The following PCDHA10 variants were observed in gnomAD, a reference collection of about 807,000 sequenced individuals.
PCDHA10 encodes the protein protocadherin alpha 10.
Under a neutral mutation model 61.2 loss-of-function variants are expected in PCDHA10, and 45 were observed. That is an observed-to-expected ratio of 0.74 (90% CI 0.58 to 0.94). PCDHA10 has a LOEUF of 0.94. PCDHA10 is among the 40% of genes least tolerant of loss of function. PCDHA10 has a pLI of 0.00. For missense variants in PCDHA10, 1,278 were observed against 1,236.2 expected, an observed-to-expected ratio of 1.03 and a Z score of -0.51; for synonymous variants, 602 against 548.8, an observed-to-expected ratio of 1.10 and a Z score of -1.35.
At chr5:140,907,021 C>A (rs950958374) in intron 1 of PCDHA10, among the ~76,000 whole-genome samples, 1 of 152,168 alleles carries the variant, frequency 6.6e-6, no homozygotes, top group Non-Finnish European at 1.5e-5. Flanking sequence ...TCTAGGCCAG[C>A]AGAACATAAT....
At chr5:140,978,648 T>C (rs2096814311) in intron 1 of PCDHA10, among the ~76,000 whole-genome samples, 1 of 152,264 alleles carries the variant, frequency 6.6e-6, no homozygotes, top group African/African-American at 2.4e-5. Flanking sequence ...CAGACTGTTC[T>C]TCCCGTAGTG....
chr5:141,008,607 C>T (rs782227320), intron 3 of PCDHA10, among the ~76,000 whole-genome samples: 33 of 152,196 alleles, frequency 2.2e-4, no homozygotes, highest in Non-Finnish European at 3.8e-4. Flanking sequence ...CCTCTGGAAC[C>T]CCATTAACTT....
chr5:140,928,657 G>A (rs781811102), intron 1 of PCDHA10: 11 of 1,614,102 alleles, frequency 6.8e-6, no homozygotes, highest in Non-Finnish European at 9.3e-6. Context: ...AGAGGATGCT[G>A]ACAGTGGTTC....
At chr5:140,983,542 C>A (rs1554245538) in intron 3 of PCDHA10, among the ~76,000 whole-genome samples, 1 of 152,152 alleles carries the variant, frequency 6.6e-6, no homozygotes, top group African/African-American at 2.4e-5. Flanking sequence ...TGTGTGGTCT[C>A]ATTTATTCCT....
chr5:140,972,987 T>C (rs2096567014), intron 1 of PCDHA10, among the ~76,000 whole-genome samples: 1 of 152,044 alleles, frequency 6.6e-6, no homozygotes, highest in Admixed American at 6.6e-5. Flanking sequence ...TAAGGTAGAT[T>C]CTGTGCATTT....
chr5:140,975,244 A>G (rs934948446), intron 1 of PCDHA10, among the ~76,000 whole-genome samples: 6 of 152,120 alleles, frequency 3.9e-5, no homozygotes. Flanking sequence ...AATCCCTCTT[A>G]TGCTTCAGAT....
At chr5:140,982,337 A>T in intron 2 of PCDHA10, 138 bp from the exon 3 acceptor site, 1 of 1,455,066 alleles carries the variant, frequency 6.9e-7, no homozygotes, top group Non-Finnish European at 9.1e-7. Flanking sequence ...CTCAGCAGTA[A>T]TTGCTTCAGT....
chr5:140,870,774 G>GAACGAC (rs781868424), intron 1 of PCDHA10: 1 of 1,613,632 alleles, frequency 6.2e-7, no homozygotes, highest in South Asian at 1.1e-5. Context: ...TGCTGGACGA[G>GAACGAC]AACGACAACG....
chr5:140,882,510 A>G (rs1276139359), intron 1 of PCDHA10: 1 of 1,614,046 alleles, frequency 6.2e-7, no homozygotes, highest in East Asian at 2.2e-5. Context: ...AATCTGCAGA[A>G]TGGCATTTTG....
chr5:140,904,589 G>A (rs1562945664), intron 1 of PCDHA10, among the ~76,000 whole-genome samples: 1 of 151,976 alleles, frequency 6.6e-6, no homozygotes, highest in Non-Finnish European at 1.5e-5. Flanking sequence ...CCAGTAGTGG[G>A]ACTGCTGGAT....
chr5:140,928,974 A>G (rs772759035), intron 1 of PCDHA10: 2 of 1,613,574 alleles, frequency 1.2e-6, no homozygotes, highest in Non-Finnish European at 1.7e-6. Flanking sequence ...TTTCCTTTTT[A>G]TTTCTGGGGT....
chr5:140,966,765 C>G (rs2096051420), intron 1 of PCDHA10: 7 of 1,482,914 alleles, frequency 4.7e-6, no homozygotes, highest in Non-Finnish European at 6.3e-6. Context: ...CGGCCAGTGG[C>G]TATGGAGCAG....
chr5:140,893,110 G>A (rs2063824937), intron 1 of PCDHA10, among the ~76,000 whole-genome samples: 1 of 152,124 alleles, frequency 6.6e-6, no homozygotes, highest in South Asian at 2.1e-4. Context: ...ATATTCCGTT[G>A]TGCATATACA....
Position 140,870,991 on chromosome 5 carries a change from A to G in PCDHA10, c.2388+12555A>G, listed in dbSNP as rs782466247. On this transcript the variant is annotated intron_variant, in intron 1 of 3. Coordinates refer to ENST00000307360, the MANE Select transcript of PCDHA10 (RefSeq NM_018901.4). ...CCGCGTGGGGCTGTACACGGGCGAGATAAGCACAACGCGTGCCCTGGACGA... is the reference window on the plus strand; with the variant it reads ...CCGCGTGGGGCTGTACACGGGCGAGGTAAGCACAACGCGTGCCCTGGACGA... 10 of 1,613,364 alleles carry G rather than the reference A, an allele frequency of 6.2e-6. No individual in the cohort carries two copies. The East Asian group carries it at 1.1e-4, about 18-fold the overall frequency.
intron 1 of PCDHA10, among the ~76,000 whole-genome samples, chr5:140,897,323 T>TCCCTCCC (rs2065998893): frequency 1.7e-5 from 2 of 114,654 alleles, no homozygotes; most frequent in South Asian, 6.8e-4. Flanking sequence ...CCTAAAGCTA[T>TCCCTCCC]CCCTCCCCCC....
intron 1 of PCDHA10, among the ~76,000 whole-genome samples, chr5:140,916,356 G>A (rs2077538770): frequency 6.6e-6 from 1 of 152,202 alleles, no homozygotes; most frequent in Admixed American, 6.5e-5. Context: ...TCAAACAGAA[G>A]GAGTCTTTCA....
At chr5:140,911,934 A>G (rs2075691303) in intron 1 of PCDHA10, among the ~76,000 whole-genome samples, 1 of 152,158 alleles carries the variant, frequency 6.6e-6, no homozygotes, top group East Asian at 1.9e-4. Flanking sequence ...AATAGGATAG[A>G]TGTATATATA....
Position 140,978,928 on chromosome 5 carries a change from ACT to A in PCDHA10, c.2389-16_2389-15del. ...CATTGTCTTGTCATTTTAACAGAAA[ACT>A]CTCTTTGTGATTTTGCAGCCACGAC... On this transcript the variant is annotated intron_variant, in intron 1 of 3. Coordinates refer to ENST00000307360, the MANE Select transcript of PCDHA10 (RefSeq NM_018901.4). The A allele has an allele frequency of 6.2e-7, 1 of 1,613,190 alleles. No homozygotes were observed. Among genetic ancestry groups the A allele is most frequent in the Admixed American group, 1.7e-5 (1 of 59,890 alleles).
chr5:140,996,301 AC>A (rs1306218777), intron 3 of PCDHA10, among the ~76,000 whole-genome samples: 1 of 152,240 alleles, frequency 6.6e-6, no homozygotes, highest in African/African-American at 2.4e-5. Context: ...ACAGATTGTA[AC>A]AAAGTAAGGG....
Sources: allele counts gnomAD v4.1 joint callset (sites outside exome capture counted in the v4.1 genomes callset), GRCh38; gene constraint gnomAD v4.1.1; transcripts MANE v1.5; gene names NCBI Gene and HGNC (gene_info 2026-07-23, HGNC 2026-07-21).